PPP6R3: variants seen among roughly 807,000 people sequenced by gnomAD.
PPP6R3 encodes the protein protein phosphatase 6 regulatory subunit 3.
Under a neutral mutation model 110.7 loss-of-function variants are expected in PPP6R3, and 38 were observed. The observed-to-expected ratio is 0.34, with a 90% confidence interval of 0.26 to 0.45. PPP6R3 has a LOEUF of 0.45. Ranked by LOEUF, PPP6R3 falls within the 20% of genes least tolerant of loss-of-function variation. The pLI is 1.00. For synonymous variants in PPP6R3, 369 were observed against 373.5 expected (o/e 0.99, Z 0.14); for missense variants, 870 against 1,062.4 (o/e 0.82, Z 2.52).
At chr11:68,566,982 T>C in intron 9 of PPP6R3, 32 bp from the exon 10 acceptor site, 2 of 1,531,862 alleles carry the variant, frequency 1.3e-6, no homozygotes, top group Non-Finnish European at 1.8e-6. Flanking sequence ...TTCATTTAAC[T>C]GAATTTAATT....
intron 2 of PPP6R3, among the ~76,000 whole-genome samples, chr11:68,534,623 A>C (rs2153634349): frequency 6.6e-6 from 1 of 152,228 alleles, no homozygotes; most frequent in Admixed American, 6.5e-5. Context: ...TTCTCACCTG[A>C]TTGGTGAACG....
chr11:68,472,830 A>G (rs183586482), intron 1 of PPP6R3, among the ~76,000 whole-genome samples: 90 of 152,274 alleles, frequency 5.9e-4, no homozygotes, highest in African/African-American at 2.1e-3. Flanking sequence ...TATTAATAGA[A>G]TCATACAATA....
chr11:68,557,521 T>C (rs564951763), intron 7 of PPP6R3, among the ~76,000 whole-genome samples: 1 of 152,296 alleles, frequency 6.6e-6, no homozygotes, highest in African/African-American at 2.4e-5. Flanking sequence ...TTCTTTTTTT[T>C]CTTTTTTCTT....
At chr11:68,535,870 G>A (rs894597404) in intron 2 of PPP6R3, among the ~76,000 whole-genome samples, 8 of 151,760 alleles carry the variant, frequency 5.3e-5, no homozygotes, top group Non-Finnish European at 1.2e-4. Context: ...TTGGGAGGCT[G>A]AGGTAGGGAT....
rs566717955 is a variant in PPP6R3, at chr11:68,614,657, G to A, written c.*1540G>A. On this transcript the variant is annotated 3_prime_UTR_variant, in exon 24 of 24. Transcript: ENST00000393800. ...TGGTGTGGAGATTCCAGCACTCCCA[G>A]GACAGTGGAGTCAGCAGTAAGCCCT... 1.3e-6 allele frequency: 2 copies of A among 1,520,028 alleles called. No individual in the cohort carries two copies. Among genetic ancestry groups the A allele is most frequent in the Non-Finnish European group, 1.8e-6 (2 of 1,139,184 alleles). The allele number at this position is 1,520,028 out of a possible 1,614,324, so 94.2% of individuals were successfully genotyped here. A position where few individuals can be genotyped will look rare whatever the true frequency, so the allele number is the denominator to read the frequency against.
intron 2 of PPP6R3, among the ~76,000 whole-genome samples, chr11:68,531,853 G>T (rs762064027): frequency 6.6e-6 from 1 of 152,332 alleles, no homozygotes; most frequent in East Asian, 1.9e-4. Context: ...CTAGCCAATA[G>T]TGGAGCTGGT....
At chr11:68,579,758 C>G (rs1467390547) in intron 14 of PPP6R3, among the ~76,000 whole-genome samples, 3 of 152,226 alleles carry the variant, frequency 2.0e-5, no homozygotes, top group Non-Finnish European at 4.4e-5. Flanking sequence ...CTCGATTTTA[C>G]TGCACGTTTT....
chr11:68,519,845 A>G (rs1462070461), intron 2 of PPP6R3, among the ~76,000 whole-genome samples, 194 bp downstream of exon 2: 1 of 152,102 alleles, frequency 6.6e-6, no homozygotes, highest in Non-Finnish European at 1.5e-5. Flanking sequence ...GCTTTGGTAT[A>G]TCTTAAATCT....
At chr11:68,611,998 T>G (rs1943679397) in intron 23 of PPP6R3, among the ~76,000 whole-genome samples, 1 of 152,236 alleles carries the variant, frequency 6.6e-6, no homozygotes, top group African/African-American at 2.4e-5. Flanking sequence ...TCTGATGTGC[T>G]GAGCATGCTG....
chr11:68,565,366 T>A (rs1593233951), intron 9 of PPP6R3, among the ~76,000 whole-genome samples: 1 of 152,002 alleles, frequency 6.6e-6, no homozygotes, highest in Non-Finnish European at 1.5e-5. Flanking sequence ...CTGGTTCCAT[T>A]CCAGCCACAT....
intron 1 of PPP6R3, among the ~76,000 whole-genome samples, chr11:68,494,795 G>T (rs931732121): frequency 1.3e-5 from 2 of 151,932 alleles, no homozygotes; most frequent in African/African-American, 4.8e-5. Context: ...CTCCTCTATT[G>T]TCTGGATCTT....
chr11:68,613,353 C>A lies in PPP6R3; in HGVS notation c.*236C>A. The A allele has an allele frequency of 8.0e-7, 1 of 1,253,166 alleles. No homozygotes were observed. The highest frequency in any genetic ancestry group is 1.0e-6 in the Non-Finnish European group (1 of 998,246). 77.6% of individuals were successfully genotyped at this position (1,253,166 alleles called of 1,614,324 possible). A position where few individuals can be genotyped will look rare whatever the true frequency, so the allele number is the denominator to read the frequency against. ...TTGCGTATGTTTATATTGTATTGTTCTAAATAATGGGTAGCCTGTGAAATA... is the reference window on the plus strand; with the variant it reads ...TTGCGTATGTTTATATTGTATTGTTATAAATAATGGGTAGCCTGTGAAATA... On this transcript the variant is annotated 3_prime_UTR_variant, in exon 24 of 24. Coordinates refer to ENST00000393800, the MANE Select transcript of PPP6R3 (RefSeq NM_001164161.2).
chr11:68,461,938 A>G (rs553519433), intron 1 of PPP6R3, among the ~76,000 whole-genome samples: 47 of 152,312 alleles, frequency 3.1e-4, no homozygotes, highest in Non-Finnish European at 5.9e-4. Flanking sequence ...TATGAGACCC[A>G]GTTATGGTGG....
chr11:68,586,377 C>T (rs1224857738), intron 15 of PPP6R3: 2 of 152,212 alleles, frequency 1.3e-5, no homozygotes, highest in Admixed American at 1.3e-4. Flanking sequence ...AGGTCCAGAA[C>T]TCAGCTCAGC....
chr11:68,584,609 G>C (rs536486655), intron 15 of PPP6R3, among the ~76,000 whole-genome samples: 1 of 152,358 alleles, frequency 6.6e-6, no homozygotes, highest in African/African-American at 2.4e-5. Flanking sequence ...CATTTGGAAA[G>C]TGGATTCCTT....
Position 68,596,251 on chromosome 11 carries a change from T to C in PPP6R3, c.2038+33T>C, listed in dbSNP as rs373135156. 4.0e-5 allele frequency: 64 copies of C among 1,613,572 alleles called. 1 individual carries two copies. In the African/African-American group the frequency reaches 8.3e-4, roughly 21 times the overall value. On this transcript the variant is annotated intron_variant, in intron 19 of 23. Coordinates refer to ENST00000393800, the MANE Select transcript of PPP6R3 (RefSeq NM_001164161.2). ...GATTCATTCTTCAGATCAGCTGCCC[T>C]GTGTTGGAATTAGGTATTGTGAACA...
intron 20 of PPP6R3, among the ~76,000 whole-genome samples, 165 bp from the exon 21 acceptor site, chr11:68,601,698 A>G (rs955243124): frequency 1.3e-5 from 2 of 152,174 alleles, no homozygotes; most frequent in Non-Finnish European, 2.9e-5. Context: ...TCAAACAGCT[A>G]CTGGCACTTA....
chr11:68,477,721 T>A (rs1212370149), intron 1 of PPP6R3, among the ~76,000 whole-genome samples: 16 of 83,916 alleles, frequency 1.9e-4, no homozygotes, highest in African/African-American at 7.6e-4. Flanking sequence ...AGAGAGACAT[T>A]GTCTCTTAAA....
At chr11:68,594,507 G>GA (rs1209933112) in intron 18 of PPP6R3, among the ~76,000 whole-genome samples, 2 of 152,046 alleles carry the variant, frequency 1.3e-5, no homozygotes, top group Admixed American at 1.3e-4. Flanking sequence ...TTTAAAAAAA[G>GA]AAAAAATTTA....
Sources: gnomAD v4.1 joint callset for allele counts (sites outside exome capture counted in the v4.1 genomes callset) on GRCh38, gnomAD v4.1.1 for gene constraint, MANE v1.5 for transcripts, NCBI Gene and HGNC (gene_info 2026-07-23, HGNC 2026-07-21) for gene names.